ADGRA1: variants seen among roughly 807,000 people sequenced by gnomAD.
ADGRA1 encodes the protein adhesion G protein-coupled receptor A1.
A neutral mutation model predicts 21.3 loss-of-function variants in ADGRA1; 12 were observed. The observed-to-expected ratio is 0.56, with a 90% confidence interval of 0.36 to 0.91. The LOEUF is 0.91. Ranked by LOEUF, ADGRA1 falls within the 40% of genes least tolerant of loss-of-function variation. ADGRA1 has a pLI of 0.01. For missense variants in ADGRA1, 790 were observed against 805.6 expected (o/e 0.98, Z 0.23); for synonymous variants, 385 against 368.8 (o/e 1.04, Z -0.50).
chr10:133,112,326 TATCTGGGGTCTGCAGGCTG>T, intron 5 of ADGRA1, among the ~76,000 whole-genome samples: 5 of 151,854 alleles, frequency 3.3e-5, no homozygotes, highest in African/African-American at 1.2e-4. Context: ...CCGCATCGGT[TATCTGGGGTCTGCAGGCTG>T]CGTCAGTTAT....
At chr10:133,111,003 G>C (rs1851979677) in intron 5 of ADGRA1, among the ~76,000 whole-genome samples, 1 of 152,092 alleles carries the variant, frequency 6.6e-6, no homozygotes, top group African/African-American at 2.4e-5. Flanking sequence ...TGGAAATGTG[G>C]CTGAACTGGG....
Position 133,129,127 on chromosome 10 carries a change from G to A in ADGRA1, c.1299G>A (p.Glu433=), listed in dbSNP as rs1306117960. 11 of 1,553,286 alleles carry A rather than the reference G, an allele frequency of 7.1e-6. No individual in the cohort carries two copies. The South Asian group carries it at 1.3e-4, about 18-fold the overall frequency. The part of the protein sequence containing the change: ...PPYFSRHPAE[E]PEYAYHIPSS... ...ACTTTAGCCGGCACCCAGCAGAGGA[G>A]CCCGAGTACGCCTACCACATCCCAT... The change falls in exon 7 of 7, where the codon GAG becomes GAA. Residue 433 remains glutamate (E), a synonymous_variant. Coordinates refer to ENST00000392607, the MANE Select transcript of ADGRA1 (RefSeq NM_001083909.3).
intron 5 of ADGRA1, among the ~76,000 whole-genome samples, chr10:133,106,726 C>T (rs955486337): frequency 2.0e-5 from 3 of 152,266 alleles, no homozygotes; most frequent in Admixed American, 6.5e-5. Flanking sequence ...GGATGGACGT[C>T]ACACAGAGTG....
In ADGRA1 at chr10:133,097,078, C is replaced by A. The variant is rs772114901; in HGVS notation, c.108C>A (p.Phe36Leu). 4 of 1,607,300 alleles carry A rather than the reference C, an allele frequency of 2.5e-6. No homozygotes were observed. Among genetic ancestry groups the A allele is most frequent in the African/African-American group, 2.7e-5 (2 of 74,942 alleles). Residue 36 changes from phenylalanine to leucine, a missense_variant, in exon 3 of 7, where the codon TTC (phenylalanine) becomes TTA (leucine). Phe to Leu is a conservative substitution (Grantham distance 22, BLOSUM62 0). Coordinates refer to ENST00000392607, the MANE Select transcript of ADGRA1 (RefSeq NM_001083909.3). ...AVMLLCLLAS[F>L]VTYIVHQSAI... Reference sequence around the variant, plus strand: ...TGCTGCTCTGCCTCCTGGCCTCCTTCGTCACCTACATCGTGCACCAGAGGT... The same window carrying A: ...TGCTGCTCTGCCTCCTGGCCTCCTTAGTCACCTACATCGTGCACCAGAGGT...
At chr10:133,097,171 C>T in intron 3 of ADGRA1, 70 bp downstream of exon 3, 1 of 1,569,496 alleles carries the variant, frequency 6.4e-7, no homozygotes, top group Non-Finnish European at 8.7e-7. Context: ...AGGCAAGTCC[C>T]TGAAGGGCAA....
rs374695934 is a variant in ADGRA1, at chr10:133,095,656, C to G, written c.4-1318C>G. 22 of 1,594,772 alleles carry G rather than the reference C, an allele frequency of 1.4e-5. No homozygotes were observed. The African/African-American group carries it at 2.9e-4, about 21-fold the overall frequency. On this transcript the variant is annotated intron_variant, in intron 2 of 6. Transcript: ENST00000392607. ...CCAGTCCCTTGGCTCCCCAGAGCAC[C>G]CTCTGTCCACGGTGGACACTCTCTA... is the stretch of plus-strand genomic sequence containing the variant.
In ADGRA1 at chr10:133,114,727, CAAAG is replaced by C. The variant is rs1486635896; in HGVS notation, c.401+11888_401+11891del. Among the ~76,000 whole-genome samples the C allele has an allele frequency of 4.6e-5, 7 of 152,316 alleles. No individual in the cohort carries two copies. In the East Asian group the frequency reaches 1.4e-3, roughly 29 times the overall value. ...CGGAATTCAGAAGTCACGGTTAACT[CAAAG>C]AATGCTAAGCGGGCCAGGGATCACG... On this transcript the variant is annotated intron_variant, in intron 5 of 6. Coordinates refer to ENST00000392607, the MANE Select transcript of ADGRA1 (RefSeq NM_001083909.3).
intron 5 of ADGRA1, among the ~76,000 whole-genome samples, chr10:133,123,181 C>T (rs958785338): frequency 6.6e-6 from 1 of 152,198 alleles, no homozygotes; most frequent in Non-Finnish European, 1.5e-5. Context: ...CTGGCAGGGG[C>T]CCCGCGAGTC....
intron 5 of ADGRA1, among the ~76,000 whole-genome samples, chr10:133,106,765 C>T (rs537344047): frequency 5.6e-4 from 85 of 152,346 alleles, no homozygotes; most frequent in Non-Finnish European, 9.3e-4. Flanking sequence ...GGAAGGCCAT[C>T]GAGGCCAAAG....
intron 3 of ADGRA1, among the ~76,000 whole-genome samples, chr10:133,097,462 C>G (rs1851707538): frequency 6.6e-6 from 1 of 152,220 alleles, no homozygotes. Flanking sequence ...GCCTGCAGAG[C>G]CTGGGAGAGG....
chr10:133,092,150 C>T (rs543965289), intron 2 of ADGRA1, among the ~76,000 whole-genome samples: 3 of 152,322 alleles, frequency 2.0e-5, no homozygotes, highest in East Asian at 1.9e-4. Context: ...GGGAGGGGCC[C>T]GGGACGCAGG....
At chr10:133,097,566 G>A (rs889798689) in intron 3 of ADGRA1, among the ~76,000 whole-genome samples, 8 of 152,170 alleles carry the variant, frequency 5.3e-5, no homozygotes, top group African/African-American at 1.7e-4. Context: ...GGCCAAGGTC[G>A]CCTCGGTCAC....
chr10:133,122,471 C>A (rs1049853324), intron 5 of ADGRA1, among the ~76,000 whole-genome samples: 1 of 152,246 alleles, frequency 6.6e-6, no homozygotes. Context: ...AGGGGCTGGG[C>A]AGGGTCAGCT....
In ADGRA1 at chr10:133,107,194, C is replaced by T. The variant is rs138079956; in HGVS notation, c.401+4352C>T. 5.5e-3 allele frequency among the ~76,000 whole-genome samples: 839 copies of T among 152,296 alleles called. 4 individuals are homozygous for T. Among genetic ancestry groups the T allele is most frequent in the Middle Eastern group, 0.041 (12 of 294 alleles). On this transcript the variant is annotated intron_variant, in intron 5 of 6. Coordinates refer to ENST00000392607, the MANE Select transcript of ADGRA1 (RefSeq NM_001083909.3). ...GATTTCTGTGTGCCAACCTTGTGTC[C>T]GGCAGCTTTGCTGAGTTCCTTTATT... is the stretch of plus-strand genomic sequence containing the variant.
Position 133,129,657 on chromosome 10 carries a change from CT to C in ADGRA1, c.*147del, listed in dbSNP as rs1852473548. ...CTGCCCCTTCCTTGTGATCACACCC[CT>C]GCCCCTTCCTTGTGATCACACCCCT... On this transcript the variant is annotated 3_prime_UTR_variant, in exon 7 of 7. Coordinates refer to ENST00000392607, the MANE Select transcript of ADGRA1 (RefSeq NM_001083909.3). The C allele has an allele frequency of 1.2e-5, 5 of 401,098 alleles. No homozygotes were observed. Among genetic ancestry groups the C allele is most frequent in the Non-Finnish European group, 1.4e-5 (3 of 219,472 alleles). 24.8% of individuals were successfully genotyped at this position (401,098 alleles called of 1,614,324 possible). A position where few individuals can be genotyped will look rare whatever the true frequency, so the allele number is the denominator to read the frequency against.
chr10:133,111,635 CCA>C, intron 5 of ADGRA1, among the ~76,000 whole-genome samples: 1 of 17,910 alleles, frequency 5.6e-5, no homozygotes, highest in Non-Finnish European at 8.7e-5. Flanking sequence ...AACCTGCCCA[CCA>C]CGGACACCTC....
intron 5 of ADGRA1, among the ~76,000 whole-genome samples, chr10:133,115,498 G>C (rs1481358754): frequency 4.6e-5 from 7 of 152,222 alleles, no homozygotes; most frequent in Non-Finnish European, 1.0e-4. Flanking sequence ...GGACATGGTA[G>C]ATCGGGGGTA....
At chr10:133,098,556 G>C in intron 3 of ADGRA1, 84 bp from the exon 4 acceptor site, 4 of 1,515,026 alleles carry the variant, frequency 2.6e-6, no homozygotes, top group Non-Finnish European at 3.5e-6. Context: ...CCCGGGGACA[G>C]AGCCTGCGCC....
At chr10:133,094,929 A>G (rs1309572488) in intron 2 of ADGRA1, among the ~76,000 whole-genome samples, 1 of 152,154 alleles carries the variant, frequency 6.6e-6, no homozygotes, top group Non-Finnish European at 1.5e-5. Flanking sequence ...GGCCGGGAAA[A>G]CATGCTTTTC....
Sources: allele counts gnomAD v4.1 joint callset (sites outside exome capture counted in the v4.1 genomes callset), GRCh38; gene constraint gnomAD v4.1.1; transcripts MANE v1.5; gene names NCBI Gene and HGNC (gene_info 2026-07-23, HGNC 2026-07-21).